The following COL20A1 variants were observed in gnomAD, a reference collection of about 807,000 sequenced individuals.
COL20A1 encodes the protein collagen alpha-1(XX) chain.
A neutral mutation model predicts 152.9 loss-of-function variants in COL20A1; 164 were observed. The ratio of observed to expected loss-of-function variants is 1.07; its 90% CI spans 0.94 to 1.22. The LOEUF is 1.22. Ranked by LOEUF, COL20A1 falls within the 50% of genes most tolerant of loss-of-function variation. The pLI, the probability that COL20A1 is intolerant of heterozygous loss-of-function variation, is 0.00. For synonymous variants in COL20A1, 864 were observed against 756.0 expected (o/e 1.14, Z -2.34); for missense variants, 1,873 against 1,744.8 (o/e 1.07, Z -1.31).
rs563800286 is a variant in COL20A1, at chr20:63,305,590, C to T, written c.337+30C>T. 2.6e-6 allele frequency: 4 copies of T among 1,566,384 alleles called. No homozygotes were observed. In the South Asian group the frequency reaches 3.6e-5, roughly 14 times the overall value. Reference sequence around the variant, plus strand: ...GTCCACCGTCTGCCAGCTGGGTACCCACTCCTCCAGGCCGGGTCCCACCCT... The same window carrying T: ...GTCCACCGTCTGCCAGCTGGGTACCTACTCCTCCAGGCCGGGTCCCACCCT... On this transcript the variant is annotated intron_variant, in intron 4 of 35. Transcript: ENST00000358894. The surrounding 1 kb of genome is among the most constrained non-coding windows in gnomAD (Gnocchi z 4.9).
In COL20A1 at chr20:63,301,321, A is replaced by C. The variant is rs6089873; in HGVS notation, c.193+3301A>C. Among the ~76,000 whole-genome samples, 286 of 152,340 alleles carry C rather than the reference A, an allele frequency of 1.9e-3. 1 individual carries two copies. The highest frequency in any genetic ancestry group is 6.6e-3 in the African/African-American group (276 of 41,582). On this transcript the variant is annotated intron_variant, in intron 3 of 35. Coordinates refer to ENST00000358894, the MANE Select transcript of COL20A1 (RefSeq NM_020882.4). ...CAGAGCAAGACTCCGTCTCAAAAAA[A>C]AAGTACCTCGCTTTATGGTCCAGCA...
chr20:63,308,736 G>A, intron 8 of COL20A1, 30 bp downstream of exon 8: 3 of 1,544,898 alleles, frequency 1.9e-6, no homozygotes, highest in Non-Finnish European at 2.6e-6. Flanking sequence ...CCCGGCCCTG[G>A]AGTCTCACCG....
intron 5 of COL20A1, among the ~76,000 whole-genome samples, chr20:63,307,180 C>T (rs1166329330): frequency 6.6e-6 from 1 of 152,232 alleles, no homozygotes; most frequent in East Asian, 1.9e-4. Flanking sequence ...TGGTGCCCAC[C>T]CTCCCCTCCT....
intron 26 of COL20A1, 23 bp downstream of exon 26, chr20:63,321,122 G>A: frequency 1.3e-6 from 2 of 1,528,044 alleles, no homozygotes; most frequent in Non-Finnish European, 8.9e-7. Context: ...GCGTCTCCTT[G>A]GGGTGACCAG....
At chr20:63,297,657 C>G (rs2067815285) in intron 2 of COL20A1, among the ~76,000 whole-genome samples, 1 of 152,240 alleles carries the variant, frequency 6.6e-6, no homozygotes, top group African/African-American at 2.4e-5. Flanking sequence ...CTCACCAAAG[C>G]TACCAGGGTG....
At chr20:63,300,920 A>G (rs2123378179) in intron 3 of COL20A1, among the ~76,000 whole-genome samples, 1 of 152,328 alleles carries the variant, frequency 6.6e-6, no homozygotes, top group Admixed American at 6.5e-5. Flanking sequence ...TGTGTTTCTC[A>G]GTTTTAAAAC....
chr20:63,312,289 CA>C (rs2068019216), intron 14 of COL20A1, 130 bp from the exon 15 acceptor site: 20 of 1,217,124 alleles, frequency 1.6e-5, no homozygotes, highest in Non-Finnish European at 2.2e-5. Context: ...TCCCTCAGGA[CA>C]AGCCCATTTT....
At chr20:63,299,263 G>T (rs575349992) in intron 3 of COL20A1, among the ~76,000 whole-genome samples, 2 of 152,312 alleles carry the variant, frequency 1.3e-5, no homozygotes, top group South Asian at 4.1e-4. Flanking sequence ...GAGTGGAAGT[G>T]CCACAGTGTG....
In COL20A1 at chr20:63,311,342, G is replaced by A; in HGVS notation, c.1394-52G>A. 6.6e-7 allele frequency: 1 copy of A among 1,513,960 alleles called. No homozygotes were observed. The allele number at this position is 1,513,960 out of a possible 1,614,324, so 93.8% of individuals were successfully genotyped here. ...TGGTGTGAGGGTGCCCCGTGCGTGG[G>A]TGTGATCTCTGTGTGGGCTCCTTCC... On this transcript the variant is annotated intron_variant, in intron 11 of 35. Coordinates refer to ENST00000358894, the MANE Select transcript of COL20A1 (RefSeq NM_020882.4). The surrounding 1 kb of genome is among the most constrained non-coding windows in gnomAD (Gnocchi z 4.4).
At position 63,311,752 on chromosome 20, in the gene COL20A1, AG is replaced by A; in HGVS notation, c.1663+5del. 6.3e-7 allele frequency: 1 copy of A among 1,588,970 alleles called. No homozygotes were observed. Among genetic ancestry groups the A allele is most frequent in the South Asian group, 1.1e-5 (1 of 88,580 alleles). ...CGGGGCATCCGTGCCAGGACCCGTG[AG>A]TGCTCCAACCCCGGCTGCCTGCCCA... On this transcript the variant is annotated splice_donor_5th_base_variant and intron_variant, in intron 13 of 35. Transcript: ENST00000358894. The surrounding 1 kb of genome is among the most constrained non-coding windows in gnomAD (Gnocchi z 4.4).
intron 27 of COL20A1, among the ~76,000 whole-genome samples, chr20:63,322,640 T>C (rs1348096891): frequency 6.6e-6 from 1 of 152,198 alleles, no homozygotes; most frequent in African/African-American, 2.4e-5. Context: ...CGCCCAGCGA[T>C]GGCAGCAGCC....
intron 5 of COL20A1, 133 bp from the exon 6 acceptor site, chr20:63,307,357 C>T: frequency 1.2e-6 from 1 of 806,012 alleles, no homozygotes; most frequent in Non-Finnish European, 1.9e-6. Flanking sequence ...GCCTGAGGGC[C>T]TTGGAGTCCT....
intron 11 of COL20A1, among the ~76,000 whole-genome samples, chr20:63,310,895 C>G (rs1342430074): frequency 3.3e-5 from 5 of 152,072 alleles, no homozygotes; most frequent in African/African-American, 1.2e-4. Context: ...ATTTACACAC[C>G]ATACAACCTG....
chr20:63,316,582 G>A lies in COL20A1; in HGVS notation c.2554G>A (p.Val852Met), dbSNP rs1460598063. ...GFDLMVAFSL[V>M]EKAYASIRGV... ...TGACCTGATGGTGGCCTTCAGCCTG[G>A]TGGAAAAGGCTTATGCGTCCATCCG... The change falls in exon 21 of 36, where the codon GTG (valine) becomes ATG (methionine). Residue 852 changes from valine to methionine, a missense_variant. Coordinates refer to ENST00000358894, the MANE Select transcript of COL20A1 (RefSeq NM_020882.4). 1 of 1,589,990 alleles carries A rather than the reference G, an allele frequency of 6.3e-7. No individual in the cohort carries two copies. The highest frequency in any genetic ancestry group is 1.8e-5 in the Admixed American group (1 of 56,378).
intron 21 of COL20A1, among the ~76,000 whole-genome samples, chr20:63,318,270 G>A (rs942173606): frequency 2.0e-5 from 3 of 152,202 alleles, no homozygotes; most frequent in African/African-American, 7.2e-5. Context: ...TCCTGAGGTG[G>A]CATCACAGGT....
intron 3 of COL20A1, among the ~76,000 whole-genome samples, chr20:63,304,261 AGGTGCGCAG>A (rs2123384287): frequency 1.1e-5 from 1 of 90,982 alleles, no homozygotes; most frequent in Non-Finnish European, 2.2e-5. Flanking sequence ...TCCTCCCTCC[AGGTGCGCAG>A]GTGTGGGTTC....
chr20:63,305,131 G>GT lies in COL20A1; in HGVS notation c.194-285dup, dbSNP rs2067907082. ...GCAGCCCTGTCTTCATACCTTGACA[G>GT]TATCTCTGAGGGTTGATGGCTTCTC... On this transcript the variant is annotated intron_variant, in intron 3 of 35. Coordinates refer to ENST00000358894, the MANE Select transcript of COL20A1 (RefSeq NM_020882.4). The surrounding 1 kb of genome is among the most constrained non-coding windows in gnomAD (Gnocchi z 4.9). Among the ~76,000 whole-genome samples the GT allele has an allele frequency of 6.6e-6, 1 of 152,116 alleles. No individual in the cohort carries two copies. Among genetic ancestry groups the GT allele is most frequent in the Non-Finnish European group, 1.5e-5 (1 of 68,024 alleles).
At chr20:63,304,858 T>C (rs2067903700) in intron 3 of COL20A1, among the ~76,000 whole-genome samples, 1 of 152,270 alleles carries the variant, frequency 6.6e-6, no homozygotes, top group South Asian at 2.1e-4. Context: ...CTGAGTGCTC[T>C]TTCAAGGCCA....
chr20:63,318,139 C>G (rs142332379), intron 21 of COL20A1, among the ~76,000 whole-genome samples: 1,748 of 152,300 alleles, frequency 0.011, 50 homozygotes, highest in African/African-American at 0.04. Context: ...TTTGCCCTTC[C>G]AGAGCTCACA....
Sources: gnomAD v4.1 joint callset for allele counts (sites outside exome capture counted in the v4.1 genomes callset) on GRCh38, gnomAD v4.1.1 for gene constraint, Gnocchi (gnomAD v3.1) non-coding constraint, MANE v1.5 for transcripts, NCBI Gene and HGNC (gene_info 2026-07-23, HGNC 2026-07-21) for gene names.